TUBD1: variants seen among roughly 807,000 people sequenced by gnomAD.
The protein encoded by TUBD1 is tubulin delta 1, also known as tubulin delta chain.
A neutral mutation model predicts 51.2 loss-of-function variants in TUBD1; 38 were observed. The observed-to-expected ratio is 0.74, with a 90% CI of 0.57 to 0.97. TUBD1 has a LOEUF of 0.97. Among genes scored for constraint, TUBD1 ranks in the 50% least tolerant of loss-of-function variants. The pLI, the probability that TUBD1 is intolerant of heterozygous loss-of-function variation, is 0.00. For missense variants in TUBD1, 489 were observed against 538.4 expected (o/e 0.91, Z 0.91); for synonymous variants, 169 against 178.2 (o/e 0.95, Z 0.41).
Position 59,869,321 on chromosome 17 carries a change from CA to C in TUBD1, c.935-2573del, listed in dbSNP as rs2039872709. ...AAACCCCGTCTCTACTAAAAAAATA[CA>C]AAAATTAGACGGGCATGGTGGTGCG... On this transcript the variant is annotated intron_variant, in intron 6 of 8. Coordinates refer to ENST00000325752, the MANE Select transcript of TUBD1 (RefSeq NM_016261.4). 3.3e-5 allele frequency among the ~76,000 whole-genome samples: 5 copies of C among 151,350 alleles called. No individual in the cohort carries two copies. In the South Asian group the frequency reaches 8.4e-4, roughly 25 times the overall value.
intron 3 of TUBD1, chr17:59,884,793 C>T: frequency 1.3e-5 from 2 of 158,280 alleles, no homozygotes; most frequent in Non-Finnish European, 2.8e-5. Context: ...CATAGTGGTG[C>T]ACACCTGTAG....
chr17:59,882,323 G>A (rs979482473), intron 3 of TUBD1, among the ~76,000 whole-genome samples: 6 of 151,776 alleles, frequency 4.0e-5, no homozygotes, highest in African/African-American at 7.2e-5. Context: ...TCGCTCTGTC[G>A]CCCAGGCTGG....
intron 7 of TUBD1, among the ~76,000 whole-genome samples, chr17:59,865,332 G>A (rs916783443): frequency 1.3e-5 from 2 of 151,852 alleles, no homozygotes; most frequent in Non-Finnish European, 2.9e-5. Context: ...CGAGGCAGGT[G>A]GATCACTTGA....
chr17:59,877,969 A>G (rs1001834543), intron 5 of TUBD1, 134 bp downstream of exon 5: 4 of 682,692 alleles, frequency 5.9e-6, no homozygotes, highest in South Asian at 1.9e-5. Context: ...GAGAACTAGC[A>G]GATGTGAAGA....
chr17:59,891,941 G>A (rs1007643979), intron 1 of TUBD1: 13 of 151,110 alleles, frequency 8.6e-5, no homozygotes, highest in African/African-American at 3.2e-4. Flanking sequence ...CTCCAGCCTG[G>A]GTGACAAAGT....
chr17:59,892,307 C>T (rs1268382934), intron 1 of TUBD1, among the ~76,000 whole-genome samples: 1 of 151,884 alleles, frequency 6.6e-6, no homozygotes, highest in African/African-American at 2.4e-5. Flanking sequence ...TTTGGGAGGC[C>T]GAGGCGGGAG....
Position 59,890,829 on chromosome 17 carries a change from A to AC in TUBD1, c.172+1dup. The AC allele has an allele frequency of 1.2e-6, 2 of 1,607,906 alleles. No individual in the cohort carries two copies. Among genetic ancestry groups the AC allele is most frequent in the Non-Finnish European group, 1.7e-6 (2 of 1,177,160 alleles). ...AAGGAGAGGACTGTGGGCCACACCTACCTCCATTCTCCTCCTCACTGAAGA... is the reference window on the plus strand; with the variant it reads ...AAGGAGAGGACTGTGGGCCACACCTACCCTCCATTCTCCTCCTCACTGAAGA... On this transcript the variant is annotated splice_donor_variant, in intron 2 of 8. Coordinates refer to ENST00000325752, the MANE Select transcript of TUBD1 (RefSeq NM_016261.4). LOFTEE classifies it high-confidence loss of function.
intron 6 of TUBD1, among the ~76,000 whole-genome samples, chr17:59,872,694 A>ATGTGTGTGTGTGTGTGTGTGTGTG (rs60720420): frequency 7.0e-6 from 1 of 142,640 alleles, no homozygotes; most frequent in African/African-American, 2.6e-5. Flanking sequence ...GAAAATGGGA[A>ATGTGTGTGTGTGTGTGTGTGTGTG]TGTGTGTGTG....
At chr17:59,863,392 C>T (rs1004214724) in intron 8 of TUBD1, among the ~76,000 whole-genome samples, 4 of 152,028 alleles carry the variant, frequency 2.6e-5, no homozygotes, top group South Asian at 2.1e-4. Context: ...GGGCAGATCC[C>T]GAGGTCAGAA....
chr17:59,887,655 A>G (rs1378852067), intron 2 of TUBD1, among the ~76,000 whole-genome samples: 3 of 152,068 alleles, frequency 2.0e-5, no homozygotes, highest in Non-Finnish European at 4.4e-5. Context: ...ACCACCAAAA[A>G]TTTTCAAGCA....
At chr17:59,861,883 G>A (rs183419572) in intron 8 of TUBD1, among the ~76,000 whole-genome samples, 22 of 151,650 alleles carry the variant, frequency 1.5e-4, no homozygotes, top group African/African-American at 4.1e-4. Context: ...GGCCAGGCTG[G>A]TCTCAAACTC....
At chr17:59,885,022 T>C (rs1389478724) in intron 3 of TUBD1, 2 of 297,152 alleles carry the variant, frequency 6.7e-6, no homozygotes, top group African/African-American at 2.3e-5. Flanking sequence ...AAGATGGCAG[T>C]GGCCAGGGCC....
At chr17:59,865,513 G>A (rs989769311) in intron 7 of TUBD1, among the ~76,000 whole-genome samples, 2 of 152,200 alleles carry the variant, frequency 1.3e-5, no homozygotes, top group Non-Finnish European at 2.9e-5. Flanking sequence ...CTGGGAGGCA[G>A]AGGTTGCAGT....
chr17:59,862,717 T>A (rs1255899233), intron 8 of TUBD1, among the ~76,000 whole-genome samples: 2 of 73,444 alleles, frequency 2.7e-5, no homozygotes, highest in African/African-American at 4.9e-5. Context: ...TTTTTGTATT[T>A]TTTTTTTTTT....
At chr17:59,868,198 C>T (rs1158940821) in intron 6 of TUBD1, among the ~76,000 whole-genome samples, 6 of 139,448 alleles carry the variant, frequency 4.3e-5, no homozygotes, top group Admixed American at 2.3e-4. Context: ...GCAGGAGAAT[C>T]GTTTGAACCC....
chr17:59,873,248 T>TTTG (rs150913471), intron 6 of TUBD1, among the ~76,000 whole-genome samples: 14,266 of 104,524 alleles, frequency 0.14, 2,265 homozygotes, highest in African/African-American at 0.41. Flanking sequence ...TAAGTTGTTT[T>TTTG]TTGTTGTTGT....
intron 3 of TUBD1, chr17:59,885,055 TG>T (rs2040656734): frequency 2.8e-6 from 1 of 351,292 alleles, no homozygotes; most frequent in Non-Finnish European, 5.5e-6. Flanking sequence ...GTCCAGTGGA[TG>T]CAAAGGGCAT....
intron 1 of TUBD1, among the ~76,000 whole-genome samples, chr17:59,891,262 C>A (rs1435213940): frequency 6.6e-6 from 1 of 152,116 alleles, no homozygotes; most frequent in Non-Finnish European, 1.5e-5. Context: ...TCCCGAGTAG[C>A]TGGGATTACA....
At chr17:59,880,863 A>AACAT (rs752237003) in intron 4 of TUBD1, 31 bp downstream of exon 4, 1 of 1,581,610 alleles carries the variant, frequency 6.3e-7, no homozygotes, top group African/African-American at 1.3e-5. Flanking sequence ...AAGAACATAA[A>AACAT]ACATAAACTT....
Sources: gnomAD v4.1 joint callset for allele counts (sites outside exome capture counted in the v4.1 genomes callset) on GRCh38, gnomAD v4.1.1 for gene constraint, MANE v1.5 for transcripts, NCBI Gene and HGNC (gene_info 2026-07-23, HGNC 2026-07-21) for gene names.